The following ZNF618 variants were observed in gnomAD, a reference collection of about 807,000 sequenced individuals.
ZNF618 encodes neural precursor cell expressed, developmentally down-regulated 10.
Under a neutral mutation model 103.0 loss-of-function variants are expected in ZNF618, and 34 were observed. The ratio of observed to expected loss-of-function variants is 0.33; its 90% CI spans 0.25 to 0.44. The LOEUF (loss-of-function observed/expected upper bound fraction) is 0.44. Among genes scored for constraint, ZNF618 ranks in the 20% least tolerant of loss-of-function variants. The pLI is 1.00. For synonymous variants in ZNF618, 551 were observed against 542.2 expected, an observed-to-expected ratio of 1.02 and a Z score of -0.23; for missense variants, 1,059 against 1,295.4, an observed-to-expected ratio of 0.82 and a Z score of 2.80.
At chr9:113,883,490 C>G (rs1021897528) in intron 1 of ZNF618, among the ~76,000 whole-genome samples, 1 of 152,168 alleles carries the variant, frequency 6.6e-6, no homozygotes, top group African/African-American at 2.4e-5. Flanking sequence ...CACCAGGGGC[C>G]TGTTTGCAGA....
intron 13 of ZNF618, among the ~76,000 whole-genome samples, chr9:114,046,862 A>C (rs1272750600): frequency 1.3e-5 from 2 of 152,324 alleles, no homozygotes; most frequent in East Asian, 3.9e-4. Flanking sequence ...TGTTTAATCA[A>C]CTATATTCCT....
chr9:113,881,886 G>A (rs1361165748), intron 1 of ZNF618, among the ~76,000 whole-genome samples: 4 of 152,190 alleles, frequency 2.6e-5, no homozygotes, highest in African/African-American at 7.2e-5. Flanking sequence ...CCACTGTGCT[G>A]TAGTTAAAAA....
intron 1 of ZNF618, among the ~76,000 whole-genome samples, chr9:113,909,120 A>C (rs1208691802): frequency 6.6e-6 from 1 of 151,986 alleles, no homozygotes; most frequent in Non-Finnish European, 1.5e-5. Context: ...GACCTGAGCA[A>C]GGACACTCTC....
intron 13 of ZNF618, among the ~76,000 whole-genome samples, chr9:114,046,580 A>G (rs539990261): frequency 6.6e-6 from 1 of 152,216 alleles, no homozygotes. Context: ...GAATAGAAGA[A>G]ATGAGAGTGA....
At chr9:114,021,051 A>G (rs1317722047) in intron 10 of ZNF618, among the ~76,000 whole-genome samples, 1 of 151,806 alleles carries the variant, frequency 6.6e-6, no homozygotes, top group Non-Finnish European at 1.5e-5. Flanking sequence ...GTGGATTCTT[A>G]TATTCTCTTT....
intron 2 of ZNF618, among the ~76,000 whole-genome samples, chr9:113,969,386 T>G (rs1349994626): frequency 3.9e-5 from 6 of 152,224 alleles, no homozygotes; most frequent in Admixed American, 3.9e-4. Flanking sequence ...ATTCCTGAAC[T>G]GGCCATTGGC....
chr9:113,892,890 G>A (rs1440437990), intron 1 of ZNF618, among the ~76,000 whole-genome samples: 2 of 152,102 alleles, frequency 1.3e-5, no homozygotes, highest in Non-Finnish European at 1.5e-5. Context: ...TTTATCTTAC[G>A]TTAAACTTCT....
intron 12 of ZNF618, chr9:114,035,098 A>T: frequency 1.1e-6 from 1 of 909,218 alleles, no homozygotes; most frequent in Non-Finnish European, 1.3e-6. Context: ...TGAAAGCCCC[A>T]TCTGGCTCAC....
intron 2 of ZNF618, among the ~76,000 whole-genome samples, chr9:113,972,387 A>G (rs1838054110): frequency 6.6e-6 from 1 of 152,124 alleles, no homozygotes; most frequent in African/African-American, 2.4e-5. Flanking sequence ...TAACAACCTC[A>G]TGAGAGAGAT....
At chr9:113,925,137 A>C (rs796149990) in intron 1 of ZNF618, among the ~76,000 whole-genome samples, 1 of 151,848 alleles carries the variant, frequency 6.6e-6, no homozygotes, top group African/African-American at 2.4e-5. Context: ...GGATTTGTCT[A>C]TTTCTCCTTG....
intron 1 of ZNF618, among the ~76,000 whole-genome samples, chr9:113,920,522 C>T (rs537561826): frequency 5.0e-4 from 76 of 152,030 alleles, no homozygotes; most frequent in Middle Eastern, 3.4e-3. Flanking sequence ...CTGCCTCGGC[C>T]TCCCACGTAG....
At position 114,054,527 on chromosome 9, in the gene ZNF618, G is replaced by T. The variant is rs1228457619; in HGVS notation, c.*4360G>T. 6.6e-6 allele frequency: 1 copy of T among 152,550 alleles called. No individual in the cohort carries two copies. The highest frequency in any genetic ancestry group is 2.0e-4 in the East Asian group (1 of 5,112). The allele number at this position is 152,550 out of a possible 1,614,324, so 9.4% of individuals were successfully genotyped here. Reference sequence around the variant, plus strand: ...TGATTTAGACAGAACAAGAGACTAAGTAAGGTCCGGCTATCCCGTGGAGCC... The same window carrying T: ...TGATTTAGACAGAACAAGAGACTAATTAAGGTCCGGCTATCCCGTGGAGCC... On this transcript the variant is annotated 3_prime_UTR_variant, in exon 15 of 15. Transcript: ENST00000374126.
rs10982019 is a variant in ZNF618, at chr9:113,967,562, G to T, written c.34-1555G>T. On this transcript the variant is annotated intron_variant, in intron 1 of 14. Transcript: ENST00000374126. ...GGAAGTAAAATGCTCCAGAACTGAG[G>T]ATGTTGGACTTTGGAGTGACCCAGA... is the stretch of plus-strand genomic sequence containing the variant. Among the ~76,000 whole-genome samples the T allele has an allele frequency of 3.3e-5, 5 of 152,276 alleles. No individual in the cohort carries two copies. In the East Asian group the frequency reaches 9.7e-4, roughly 29 times the overall value.
intron 1 of ZNF618, among the ~76,000 whole-genome samples, chr9:113,916,570 A>G (rs1011689221): frequency 1.3e-5 from 2 of 152,242 alleles, no homozygotes; most frequent in African/African-American, 2.4e-5. Flanking sequence ...AAGCAGAGAC[A>G]TGATTGATCA....
chr9:113,900,340 G>C (rs1395578332), intron 1 of ZNF618, among the ~76,000 whole-genome samples: 1 of 152,190 alleles, frequency 6.6e-6, no homozygotes, highest in Non-Finnish European at 1.5e-5. Flanking sequence ...GGGATTACAG[G>C]CGTGAGCCAC....
At position 114,008,461 on chromosome 9, in the gene ZNF618, G is replaced by A. The variant is rs77880927; in HGVS notation, c.677-16G>A. On this transcript the variant is annotated splice_polypyrimidine_tract_variant and intron_variant, in intron 8 of 14. Transcript: ENST00000374126. ...CTGGGGGACCAGGGTGCTAAGGGCCGTGTGTTCTCCCACAGACCCCTTCGA... is the reference window on the plus strand; with the variant it reads ...CTGGGGGACCAGGGTGCTAAGGGCCATGTGTTCTCCCACAGACCCCTTCGA... 2,456 of 1,613,912 alleles carry A rather than the reference G, an allele frequency of 1.5e-3. 31 individuals are homozygous for A. The African/African-American group carries it at 0.024, about 16-fold the overall frequency.
chr9:114,026,311 A>G (rs1188081291), intron 10 of ZNF618, among the ~76,000 whole-genome samples: 1 of 152,174 alleles, frequency 6.6e-6, no homozygotes, highest in Non-Finnish European at 1.5e-5. Context: ...GGGTGGTCAG[A>G]GCACACAGGT....
intron 13 of ZNF618, 27 bp downstream of exon 13, chr9:114,036,404 C>G (rs768051001): frequency 5.1e-6 from 8 of 1,555,382 alleles, no homozygotes; most frequent in South Asian, 2.4e-5. Context: ...TTCTCTCCCC[C>G]TCTCCTTCCT....
chr9:113,939,753 C>T (rs1834383783), intron 1 of ZNF618, among the ~76,000 whole-genome samples: 1 of 151,824 alleles, frequency 6.6e-6, no homozygotes. Flanking sequence ...ATAAAGTCTT[C>T]CTTCCTTTCT....
Sources: allele counts gnomAD v4.1 joint callset (sites outside exome capture counted in the v4.1 genomes callset), GRCh38; gene constraint gnomAD v4.1.1; transcripts MANE v1.5; gene names NCBI Gene and HGNC (gene_info 2026-07-23, HGNC 2026-07-21).